Variants in MAGI2 observed in about 807,000 individuals in gnomAD.
MAGI2 encodes the protein membrane-associated guanylate kinase, WW and PDZ domain-containing protein 2.
A neutral mutation model predicts 133.3 loss-of-function variants in MAGI2; 35 were observed. The ratio of observed to expected loss-of-function variants is 0.26; its 90% CI spans 0.20 to 0.35. MAGI2 has a LOEUF of 0.35. Ranked by LOEUF, MAGI2 falls within the 10% of genes least tolerant of loss-of-function variation. The pLI, the probability that MAGI2 is intolerant of heterozygous loss-of-function variation, is 1.00. For missense variants in MAGI2, 1,636 were observed against 1,863.4 expected, an observed-to-expected ratio of 0.88 and a Z score of 2.25; for synonymous variants, 729 against 710.6, an observed-to-expected ratio of 1.03 and a Z score of -0.41.
At chr7:78,174,624 A>T (rs1826418940) in intron 14 of MAGI2, among the ~76,000 whole-genome samples, 2 of 152,176 alleles carry the variant, frequency 1.3e-5, no homozygotes, top group African/African-American at 4.8e-5. Context: ...TGGAATTAGG[A>T]GTGTCTTTGT....
chr7:79,354,963 C>G (rs1306701671), intron 1 of MAGI2, among the ~76,000 whole-genome samples: 1 of 152,188 alleles, frequency 6.6e-6, no homozygotes, highest in Non-Finnish European at 1.5e-5. Flanking sequence ...GTTGGGATCA[C>G]TATCTTTCAT....
intron 10 of MAGI2, chr7:78,252,279 G>C (rs549326670): frequency 1.3e-5 from 2 of 152,122 alleles, no homozygotes; most frequent in East Asian, 3.9e-4. Context: ...TTAATAGAAA[G>C]CTAAAGTAAC....
intron 1 of MAGI2, among the ~76,000 whole-genome samples, chr7:79,187,876 T>G (rs2129550893): frequency 6.6e-6 from 1 of 151,978 alleles, no homozygotes; most frequent in South Asian, 2.1e-4. Flanking sequence ...ACAGGAGACC[T>G]AAATTTTTAG....
intron 1 of MAGI2, among the ~76,000 whole-genome samples, chr7:79,431,673 A>G (rs889354719): frequency 2.6e-5 from 4 of 152,198 alleles, no homozygotes; most frequent in African/African-American, 4.8e-5. Context: ...TAAGATGGGA[A>G]GAAGGAGAAG....
At chr7:78,178,176 T>C (rs1258336141) in intron 13 of MAGI2, 74 bp from the exon 14 acceptor site, 7 of 913,300 alleles carry the variant, frequency 7.7e-6, no homozygotes, top group East Asian at 7.4e-5. Context: ...AACATACCAA[T>C]GATAAATTAA....
At chr7:78,911,397 A>C (rs1333757201) in intron 2 of MAGI2, among the ~76,000 whole-genome samples, 1 of 152,212 alleles carries the variant, frequency 6.6e-6, no homozygotes, top group East Asian at 1.9e-4. Context: ...ATTAGATAAT[A>C]AGGGCAAAGC....
chr7:79,059,894 C>T (rs1318964254), intron 1 of MAGI2, among the ~76,000 whole-genome samples: 5 of 152,050 alleles, frequency 3.3e-5, no homozygotes, highest in Non-Finnish European at 5.9e-5. Flanking sequence ...ATATGTCTAC[C>T]TGTGCTCACT....
rs568672523 is a variant in MAGI2 at position 78,272,307 on chromosome 7, A to G, written c.1409-15726T>C. The stretch of plus-strand genomic sequence containing the variant: ...ATTTGATTGCACTGTGGTCTGAGAG[A>G]CTGTTTATGATTTCCGTTCTTTTGT... On this transcript the variant is annotated intron_variant, in intron 9 of 21. Coordinates refer to ENST00000354212, the MANE Select transcript of MAGI2 (RefSeq NM_012301.4). 2.6e-5 allele frequency among the ~76,000 whole-genome samples: 4 copies of G among 152,110 alleles called. No individual in the cohort carries two copies. In the East Asian group the frequency reaches 7.7e-4, roughly 29 times the overall value.
chr7:79,316,652 C>T (rs1838746377), intron 1 of MAGI2, among the ~76,000 whole-genome samples: 1 of 152,186 alleles, frequency 6.6e-6, no homozygotes, highest in Non-Finnish European at 1.5e-5. Flanking sequence ...TCCTGTCCCT[C>T]CATCCTCTTC....
intron 1 of MAGI2, among the ~76,000 whole-genome samples, chr7:79,072,630 C>A (rs1303627017): frequency 6.6e-6 from 1 of 151,964 alleles, no homozygotes; most frequent in Non-Finnish European, 1.5e-5. Flanking sequence ...AAAAATAAAA[C>A]TAGTTATTAA....
chr7:78,426,498 C>G (rs888090830), intron 6 of MAGI2, among the ~76,000 whole-genome samples: 1 of 151,960 alleles, frequency 6.6e-6, no homozygotes, highest in Non-Finnish European at 1.5e-5. Flanking sequence ...GGAGATATAC[C>G]TAATGCTAGA....
At chr7:78,545,460 C>T (rs545036759) in intron 3 of MAGI2, among the ~76,000 whole-genome samples, 3 of 152,220 alleles carry the variant, frequency 2.0e-5, no homozygotes, top group African/African-American at 7.2e-5. Flanking sequence ...GATCCACTCA[C>T]CTCAGCCTCC....
chr7:78,708,046 T>C lies in MAGI2; in HGVS notation c.419-80807A>G, dbSNP rs951934061. On this transcript the variant is annotated intron_variant, in intron 2 of 21. Coordinates refer to ENST00000354212, the MANE Select transcript of MAGI2 (RefSeq NM_012301.4). The stretch of plus-strand genomic sequence containing the variant: ...AGATTTACCATGATAAAGTAATATA[T>C]TGGTATATCTTACATTAAAGCAGAA... Among the ~76,000 whole-genome samples, 5 of 152,138 alleles carry C rather than the reference T, an allele frequency of 3.3e-5. No individual in the cohort carries two copies. The South Asian group carries it at 8.3e-4, about 25-fold the overall frequency.
At chr7:79,048,215 G>A (rs551734648) in intron 1 of MAGI2, among the ~76,000 whole-genome samples, 4 of 152,192 alleles carry the variant, frequency 2.6e-5, no homozygotes, top group Non-Finnish European at 4.4e-5. Context: ...ACTAGCAACT[G>A]GTCAGAATGG....
chr7:78,963,744 G>T (rs371103225), intron 2 of MAGI2, among the ~76,000 whole-genome samples: 41 of 151,894 alleles, frequency 2.7e-4, no homozygotes, highest in East Asian at 1.4e-3. Context: ...AAAAAAGTGT[G>T]CCCTGGTTTA....
intron 2 of MAGI2, among the ~76,000 whole-genome samples, chr7:78,724,785 C>A (rs1196582839): frequency 7.6e-6 from 1 of 132,150 alleles, no homozygotes; most frequent in African/African-American, 2.9e-5. Context: ...GACCACCTAA[C>A]TTTTGAGTTT....
chr7:79,396,033 T>C (rs1370026211), intron 1 of MAGI2, among the ~76,000 whole-genome samples: 4 of 152,192 alleles, frequency 2.6e-5, no homozygotes, highest in South Asian at 2.1e-4. Flanking sequence ...GCTGGGGATT[T>C]CTTGAGCCTA....
intron 6 of MAGI2, among the ~76,000 whole-genome samples, chr7:78,372,988 A>G (rs77105772): frequency 6.6e-6 from 1 of 151,714 alleles, no homozygotes; most frequent in East Asian, 2.0e-4. Flanking sequence ...AAATAACCTT[A>G]TGTGTGTGTA....
intron 2 of MAGI2, among the ~76,000 whole-genome samples, chr7:78,675,672 A>G (rs1814941595): frequency 6.6e-6 from 1 of 152,152 alleles, no homozygotes; most frequent in Non-Finnish European, 1.5e-5. Context: ...CGCCACACAG[A>G]TGAGGTAATA....
Sources: allele counts gnomAD v4.1 joint callset (sites outside exome capture counted in the v4.1 genomes callset), GRCh38; gene constraint gnomAD v4.1.1; transcripts MANE v1.5; gene names NCBI Gene and HGNC (gene_info 2026-07-23, HGNC 2026-07-21).